Variants in C12orf54 observed in about 807,000 individuals in gnomAD.
The protein encoded by C12orf54 is uncharacterized protein C12orf54.
C12orf54 carries 24 observed loss-of-function variants against 26.4 expected under a neutral mutation model. The observed-to-expected ratio is 0.91, with a 90% CI of 0.66 to 1.28. The LOEUF (loss-of-function observed/expected upper bound fraction) is 1.28. Ranked by LOEUF, C12orf54 falls within the 50% of genes most tolerant of loss-of-function variation. C12orf54 has a pLI of 0.00. For missense variants in C12orf54, 154 were observed against 150.9 expected (o/e 1.02, Z -0.11); for synonymous variants, 54 against 47.0 (o/e 1.15, Z -0.61).
intron 6 of C12orf54, 141 bp downstream of exon 6, chr12:48,490,977 A>G (rs930148622): frequency 3.0e-6 from 3 of 996,656 alleles, no homozygotes; most frequent in Non-Finnish European, 4.5e-6. Context: ...GTCTCACCCT[A>G]GGATCTTCCA....
chr12:48,485,776 G>T (rs765692575), intron 2 of C12orf54, among the ~76,000 whole-genome samples: 7 of 152,090 alleles, frequency 4.6e-5, no homozygotes, highest in Non-Finnish European at 7.4e-5. Flanking sequence ...TTTTTCGGGG[G>T]ATAAAAAAGG....
the C12orf54 span, among the ~76,000 whole-genome samples, chr12:48,464,384 A>G: frequency 6.6e-6 from 1 of 152,112 alleles, no homozygotes; most frequent in Admixed American, 6.6e-5. Context: ...AAAGATCTCT[A>G]CAATGTGAAT....
intron 8 of C12orf54, among the ~76,000 whole-genome samples, chr12:48,495,796 C>A (rs1937900896): frequency 6.6e-6 from 1 of 152,200 alleles, no homozygotes; most frequent in Admixed American, 6.5e-5. Flanking sequence ...GTTTCCCCCA[C>A]AAATCATCAA....
intron 5 of C12orf54, among the ~76,000 whole-genome samples, chr12:48,489,504 C>T (rs182756388): frequency 2.7e-3 from 414 of 152,234 alleles, no homozygotes; most frequent in Non-Finnish European, 4.9e-3. Flanking sequence ...TGGCTCACTG[C>T]AACCTCTGGC....
chr12:48,439,791 A>G, the C12orf54 span, among the ~76,000 whole-genome samples: 1 of 152,136 alleles, frequency 6.6e-6, no homozygotes, highest in East Asian at 1.9e-4. Context: ...AGATATACCT[A>G]ATGCTAAATG....
chr12:48,486,136 T>C (rs777685814), intron 2 of C12orf54, 42 bp from the exon 3 acceptor site: 13 of 1,571,968 alleles, frequency 8.3e-6, no homozygotes, highest in South Asian at 5.5e-5. Flanking sequence ...TTAGCCCACA[T>C]TCTGTGCTCC....
At chr12:48,427,980 C>T in the C12orf54 span, among the ~76,000 whole-genome samples, 1 of 151,994 alleles carries the variant, frequency 6.6e-6, no homozygotes, top group Non-Finnish European at 1.5e-5. Context: ...CTCTCTCAGA[C>T]CACAGTGGAA....
At chr12:48,446,757 T>C in the C12orf54 span, among the ~76,000 whole-genome samples, 2 of 152,234 alleles carry the variant, frequency 1.3e-5, no homozygotes, top group African/African-American at 4.8e-5. Context: ...TATGCTGTTA[T>C]TATTATTAGG....
the C12orf54 span, among the ~76,000 whole-genome samples, chr12:48,434,247 G>A: frequency 1.3e-5 from 2 of 152,328 alleles, no homozygotes; most frequent in African/African-American, 4.8e-5. Flanking sequence ...GGTTGAGTAG[G>A]TAAACAAAGT....
At chr12:48,483,055 C>T (rs1272258414) in intron 1 of C12orf54, among the ~76,000 whole-genome samples, 185 bp from the exon 2 acceptor site, 1 of 151,982 alleles carries the variant, frequency 6.6e-6, no homozygotes, top group South Asian at 2.1e-4. Flanking sequence ...TTCATCTTTC[C>T]TTATGCATAT....
chr12:48,423,925 G>A, the C12orf54 span, among the ~76,000 whole-genome samples: 2 of 152,044 alleles, frequency 1.3e-5, no homozygotes, highest in African/African-American at 2.4e-5. Flanking sequence ...ATCTAAGAGG[G>A]AAAGCACTCA....
At chr12:48,483,196 A>G (rs1404702839) in intron 1 of C12orf54, 44 bp from the exon 2 acceptor site, 11 of 1,016,026 alleles carry the variant, frequency 1.1e-5, no homozygotes, top group Non-Finnish European at 1.6e-5. Flanking sequence ...TTTTCTTCTC[A>G]CCATGTACCT....
intron 3 of C12orf54, 70 bp downstream of exon 3, chr12:48,486,278 G>C (rs1954262778): frequency 1.3e-6 from 2 of 1,501,846 alleles, no homozygotes; most frequent in Non-Finnish European, 1.8e-6. Context: ...GAGGAGAAGA[G>C]GTTGTAGACA....
At chr12:48,473,103 G>A in the C12orf54 span, 336 of 1,613,422 alleles carry the variant, frequency 2.1e-4, 2 homozygotes, top group South Asian at 3.3e-3. Context: ...ATATCTCAAC[G>A]GCTGTGACCC....
upstream of C12orf54, among the ~76,000 whole-genome samples, chr12:48,477,920 C>A (rs1466728515): frequency 6.6e-6 from 1 of 152,108 alleles, no homozygotes; most frequent in Non-Finnish European, 1.5e-5. Flanking sequence ...ATCCTGATAC[C>A]AAAGCCTGGC....
the C12orf54 span, among the ~76,000 whole-genome samples, chr12:48,446,103 C>A: frequency 6.6e-6 from 1 of 152,172 alleles, no homozygotes; most frequent in African/African-American, 2.4e-5. Flanking sequence ...TCCTGGTGCA[C>A]AATGTATCCT....
chr12:48,474,689 C>T, the C12orf54 span, among the ~76,000 whole-genome samples: 35 of 152,210 alleles, frequency 2.3e-4, no homozygotes, highest in Non-Finnish European at 4.1e-4. Context: ...AGCAAGGCTG[C>T]GGGAGGGGCG....
the C12orf54 span, among the ~76,000 whole-genome samples, chr12:48,428,646 A>G: frequency 6.6e-6 from 1 of 152,166 alleles, no homozygotes; most frequent in African/African-American, 2.4e-5. Context: ...AAACAGACCA[A>G]TAACAAGCAG....
the C12orf54 span, among the ~76,000 whole-genome samples, chr12:48,418,992 G>A: frequency 1.3e-5 from 2 of 151,958 alleles, no homozygotes; most frequent in Non-Finnish European, 2.9e-5. Flanking sequence ...CTGATAGGTG[G>A]ACAGAACTAG....
Sources: gnomAD v4.1 joint callset for allele counts (sites outside exome capture counted in the v4.1 genomes callset) on GRCh38, gnomAD v4.1.1 for gene constraint, MANE v1.5 for transcripts, NCBI Gene and HGNC (gene_info 2026-07-23, HGNC 2026-07-21) for gene names.